The following KCNN2 variants were observed in gnomAD, a reference collection of about 807,000 sequenced individuals.
KCNN2 encodes the protein small conductance calcium-activated potassium channel protein 2.
In KCNN2, 24 loss-of-function variants were observed where a neutral mutation model predicts 55.5. The observed-to-expected ratio is 0.43, with a 90% CI of 0.31 to 0.61. The LOEUF (loss-of-function observed/expected upper bound fraction) is 0.61. Among genes scored for constraint, KCNN2 ranks in the 20% least tolerant of loss-of-function variants. The pLI is 0.08. For missense variants in KCNN2, 754 were observed against 853.6 expected (o/e 0.88, Z 1.45); for synonymous variants, 431 against 336.1 (o/e 1.28, Z -3.09).
At chr5:114,476,099 C>A (rs994019400) in intron 5 of KCNN2, among the ~76,000 whole-genome samples, 3 of 151,820 alleles carry the variant, frequency 2.0e-5, no homozygotes, top group African/African-American at 4.8e-5. Flanking sequence ...AGGTTAGTTA[C>A]ATATGTATAC....
At chr5:114,072,292 A>G (rs2974485) in intron 1 of KCNN2, among the ~76,000 whole-genome samples, 128,225 of 148,084 alleles carry the variant, frequency 0.87, 55,400 homozygotes, top group Non-Finnish European at 0.9. Context: ...AACTCCATCT[A>G]AAAAAAAAAA....
chr5:114,205,239 T>G (rs934098540), intron 1 of KCNN2, among the ~76,000 whole-genome samples: 3 of 152,198 alleles, frequency 2.0e-5, no homozygotes, highest in African/African-American at 7.2e-5. Context: ...TAAAAAATAT[T>G]TTCAAACGCA....
At chr5:114,407,703 C>T (rs1758981319) in intron 3 of KCNN2, among the ~76,000 whole-genome samples, 1 of 152,152 alleles carries the variant, frequency 6.6e-6, no homozygotes, top group Non-Finnish European at 1.5e-5. Context: ...CATCGGAAGT[C>T]TTTTCTGCTC....
intron 1 of KCNN2, among the ~76,000 whole-genome samples, chr5:114,093,556 G>A (rs1003247264): frequency 6.6e-6 from 1 of 152,104 alleles, no homozygotes; most frequent in Admixed American, 6.6e-5. Flanking sequence ...CCCAAGTCTG[G>A]GTAATTTATA....
intron 2 of KCNN2, among the ~76,000 whole-genome samples, chr5:114,345,506 G>A (rs575410549): frequency 6.6e-6 from 1 of 152,272 alleles, no homozygotes; most frequent in Non-Finnish European, 1.5e-5. Context: ...GGATGTAGGT[G>A]AAATAAAAAT....
intron 2 of KCNN2, among the ~76,000 whole-genome samples, chr5:114,403,543 A>C (rs1758847064): frequency 6.6e-6 from 1 of 152,116 alleles, no homozygotes; most frequent in South Asian, 2.1e-4. Context: ...TATCCCTTGC[A>C]AGTCCTTGTG....
intron 3 of KCNN2, among the ~76,000 whole-genome samples, chr5:114,449,908 A>ACACACACACACACGCG (rs1309590184): frequency 1.6e-3 from 108 of 66,182 alleles, no homozygotes; most frequent in African/African-American, 3.4e-3. Context: ...ACACACACAC[A>ACACACACACACACGCG]CGCGCGCGCT....
At chr5:114,144,877 C>T (rs1752365755) in intron 1 of KCNN2, among the ~76,000 whole-genome samples, 1 of 151,636 alleles carries the variant, frequency 6.6e-6, no homozygotes, top group Non-Finnish European at 1.5e-5. Context: ...TATAAGTCCT[C>T]ATAATCTTTA....
At chr5:114,059,912 G>A (rs1200699187) in intron 1 of KCNN2, among the ~76,000 whole-genome samples, 1 of 152,188 alleles carries the variant, frequency 6.6e-6, no homozygotes, top group African/African-American at 2.4e-5. Context: ...TGAAGTGGGT[G>A]AATGAAAGGA....
intron 2 of KCNN2, among the ~76,000 whole-genome samples, chr5:114,311,416 C>A (rs539408328): frequency 1.3e-5 from 2 of 152,250 alleles, no homozygotes; most frequent in South Asian, 2.1e-4. Context: ...GATGTGGAAC[C>A]TATTCAGCAA....
intron 3 of KCNN2, among the ~76,000 whole-genome samples, chr5:114,446,543 C>T (rs1031429188): frequency 1.3e-5 from 2 of 152,132 alleles, no homozygotes; most frequent in Non-Finnish European, 2.9e-5. Flanking sequence ...CTGCCACCTC[C>T]GTCTCCCAGG....
intron 3 of KCNN2, among the ~76,000 whole-genome samples, chr5:114,415,563 A>C (rs577924831): frequency 4.6e-5 from 7 of 152,276 alleles, no homozygotes; most frequent in Admixed American, 6.5e-5. Flanking sequence ...ATATACGTTT[A>C]TTTATAGTCT....
At chr5:114,467,751 G>A (rs998641723) in intron 4 of KCNN2, among the ~76,000 whole-genome samples, 1 of 151,942 alleles carries the variant, frequency 6.6e-6, no homozygotes, top group Non-Finnish European at 1.5e-5. Flanking sequence ...GAAAGTATAG[G>A]TGGAAGTTGT....
At position 114,346,616 on chromosome 5, in the gene KCNN2, A is replaced by G. The variant is rs1343768087; in HGVS notation, c.-184-14329A>G. On this transcript the variant is annotated intron_variant, in intron 2 of 10. Coordinates refer to the KCNN2 transcript ENST00000512097. ...TACTTCTAAATATATATACACAGAG[A>G]TAGACATAGATATTAAATATAGTTC... Among the ~76,000 whole-genome samples, 3 of 152,280 alleles carry G rather than the reference A, an allele frequency of 2.0e-5. No individual in the cohort carries two copies. The East Asian group carries it at 5.8e-4, about 29-fold the overall frequency.
intron 3 of KCNN2, among the ~76,000 whole-genome samples, chr5:114,432,691 C>A (rs979300878): frequency 1.3e-5 from 2 of 152,168 alleles, no homozygotes; most frequent in Non-Finnish European, 2.9e-5. Context: ...GGGAGAGGCG[C>A]GAGCGGGAAC....
Position 114,487,060 on chromosome 5 carries a change from C to T in KCNN2, c.1901C>T (p.Ala634Val). The T allele has an allele frequency of 6.2e-7, 1 of 1,612,730 alleles. No homozygotes were observed. Among genetic ancestry groups the T allele is most frequent in the Non-Finnish European group, 8.5e-7 (1 of 1,179,142 alleles). ...DTQLTKRVKN[A>V]AANVLRETWL... ...TTGTTCTCTTAACAGGTAAAAAATG[C>T]AGCTGCCAATGTACTCAGGGAAACA... is the stretch of plus-strand genomic sequence containing the variant. The change falls in exon 6 of 8, where the codon GCA becomes GTA. Residue 634 changes from alanine (A) to valine (V), a missense_variant. Transcript: ENST00000673685.
At chr5:114,461,574 A>G (rs1761196576) in intron 3 of KCNN2, among the ~76,000 whole-genome samples, 1 of 152,224 alleles carries the variant, frequency 6.6e-6, no homozygotes, top group South Asian at 2.1e-4. Flanking sequence ...TCTTTGGAAG[A>G]AGGCAAAGGG....
chr5:114,433,217 A>G (rs996181046), intron 3 of KCNN2, among the ~76,000 whole-genome samples: 2 of 152,156 alleles, frequency 1.3e-5, no homozygotes, highest in African/African-American at 4.8e-5. Flanking sequence ...GGCATTCTGT[A>G]TCTAGCTCAA....
At chr5:114,097,855 C>T (rs935955159) in intron 1 of KCNN2, among the ~76,000 whole-genome samples, 1 of 152,158 alleles carries the variant, frequency 6.6e-6, no homozygotes, top group African/African-American at 2.4e-5. Context: ...AATTTGTCTC[C>T]AGTGTCCTAA....
Sources: allele counts gnomAD v4.1 joint callset (sites outside exome capture counted in the v4.1 genomes callset), GRCh38; gene constraint gnomAD v4.1.1; transcripts MANE v1.5; gene names NCBI Gene and HGNC (gene_info 2026-07-23, HGNC 2026-07-21).